DPH5: variants seen among roughly 807,000 people sequenced by gnomAD.
DPH5 encodes diphthamide biosynthesis 5.
Under a neutral mutation model 31.6 loss-of-function variants are expected in DPH5, and 31 were observed. That is an observed-to-expected ratio of 0.98 (90% CI 0.74 to 1.32). The LOEUF is 1.32. Ranked by LOEUF, DPH5 falls within the 40% of genes most tolerant of loss-of-function variation. DPH5 has a pLI of 0.00. For synonymous variants in DPH5, 120 were observed against 115.0 expected (o/e 1.04, Z -0.28); for missense variants, 309 against 335.7 (o/e 0.92, Z 0.62).
chr1:101,008,504 A>G (rs1659397574), intron 4 of DPH5, among the ~76,000 whole-genome samples: 1 of 152,220 alleles, frequency 6.6e-6, no homozygotes, highest in Non-Finnish European at 1.5e-5. Flanking sequence ...TTGAAGTTCA[A>G]TTCTAAATCT....
chr1:101,013,950 A>G (rs1033250034), intron 3 of DPH5, 132 bp from the exon 4 acceptor site: 6 of 625,442 alleles, frequency 9.6e-6, no homozygotes, highest in Non-Finnish European at 1.6e-5. Flanking sequence ...ACACACCTGC[A>G]TAAGGCTTTC....
At chr1:100,998,422 T>A (rs149409934) in intron 5 of DPH5, among the ~76,000 whole-genome samples, 1 of 151,260 alleles carries the variant, frequency 6.6e-6, no homozygotes, top group Non-Finnish European at 1.5e-5. Context: ...GGCAGGAGAA[T>A]TGCTTGAACC....
chr1:101,007,326 CTT>C (rs1422968112), intron 4 of DPH5, among the ~76,000 whole-genome samples: 1 of 152,114 alleles, frequency 6.6e-6, no homozygotes, highest in African/African-American at 2.4e-5. Context: ...GAAAATGGTT[CTT>C]CTAAAGCAGG....
At position 101,011,963 on chromosome 1, in the gene DPH5, C is replaced by T. The variant is rs1322970346; in HGVS notation, c.369+1747G>A. ...TCACCCAGGCTGGAGTGCAATGGCG[C>T]GATCTCAGCTCACTGCAACCTCCGC... On this transcript the variant is annotated intron_variant, in intron 4 of 7. Coordinates refer to ENST00000370109, the MANE Select transcript of DPH5 (RefSeq NM_015958.3). Among the ~76,000 whole-genome samples, 28 of 143,946 alleles carry T rather than the reference C, an allele frequency of 1.9e-4. 1 individual carries two copies. The highest frequency in any genetic ancestry group is 1.7e-3 in the Admixed American group (24 of 13,924). 94.4% of individuals were successfully genotyped at this position (143,946 alleles called of 152,430 possible).
chr1:100,997,491 G>A (rs766315068), intron 5 of DPH5, among the ~76,000 whole-genome samples: 4 of 151,726 alleles, frequency 2.6e-5, no homozygotes, highest in East Asian at 1.9e-4. Flanking sequence ...TCAGCCTCCC[G>A]AGTAGCTGAG....
intron 3 of DPH5, among the ~76,000 whole-genome samples, chr1:101,014,330 C>A (rs1659912619): frequency 6.6e-6 from 1 of 152,128 alleles, no homozygotes; most frequent in Non-Finnish European, 1.5e-5. Flanking sequence ...TCAAGATAAC[C>A]ACAATAATGT....
intron 2 of DPH5, among the ~76,000 whole-genome samples, chr1:101,023,520 T>G (rs528921078): frequency 6.6e-6 from 1 of 152,364 alleles, no homozygotes; most frequent in Admixed American, 6.5e-5. Context: ...CTTCAGGTCT[T>G]GACTCTGTAA....
intron 3 of DPH5, among the ~76,000 whole-genome samples, chr1:101,020,603 G>C (rs1050963986): frequency 9.2e-5 from 14 of 151,456 alleles, no homozygotes; most frequent in African/African-American, 3.4e-4. Context: ...CCCATCCCAA[G>C]CTCTAGCAGC....
chr1:101,001,161 T>C (rs923988376), intron 5 of DPH5, among the ~76,000 whole-genome samples: 12 of 152,212 alleles, frequency 7.9e-5, no homozygotes, highest in Non-Finnish European at 1.3e-4. Context: ...TGCATGTCTA[T>C]TGGATTGCAG....
In DPH5 at chr1:100,990,346, T is replaced by C; in HGVS notation, c.*62A>G. On this transcript the variant is annotated 3_prime_UTR_variant, in exon 8 of 8. Coordinates refer to ENST00000370109, the MANE Select transcript of DPH5 (RefSeq NM_015958.3). ...AAGATGAGACTTGGGTGGGGATACA[T>C]CCAAACCATATCAATCCATATATGG... 1 of 1,502,212 alleles carries C rather than the reference T, an allele frequency of 6.7e-7. No individual in the cohort carries two copies. The allele number at this position is 1,502,212 out of a possible 1,614,324, so 93.1% of individuals were successfully genotyped here. A position where few individuals can be genotyped will look rare whatever the true frequency, so the allele number is the denominator to read the frequency against.
chr1:100,996,676 G>GTT (rs1183867469), intron 5 of DPH5, among the ~76,000 whole-genome samples: 1 of 151,932 alleles, frequency 6.6e-6, no homozygotes, highest in African/African-American at 2.4e-5. Context: ...TCTGGGCAAC[G>GTT]TAAGTCCTAA....
At chr1:101,019,347 T>A (rs552016916) in intron 3 of DPH5, among the ~76,000 whole-genome samples, 1 of 152,308 alleles carries the variant, frequency 6.6e-6, no homozygotes, top group East Asian at 1.9e-4. Flanking sequence ...GAACTTCATA[T>A]TGCTGGAGAT....
At chr1:101,020,316 T>C (rs1464405520) in intron 3 of DPH5, among the ~76,000 whole-genome samples, 1 of 152,162 alleles carries the variant, frequency 6.6e-6, no homozygotes, top group Non-Finnish European at 1.5e-5. Flanking sequence ...CATATTTCTG[T>C]CCTCATCTTA....
intron 5 of DPH5, among the ~76,000 whole-genome samples, chr1:101,000,975 T>C (rs952470518): frequency 6.6e-6 from 1 of 152,216 alleles, no homozygotes; most frequent in Non-Finnish European, 1.5e-5. Context: ...CTAGGTGACA[T>C]TGGGGAAATA....
At chr1:101,011,466 GT>G (rs1659637869) in intron 4 of DPH5, 1 of 152,994 alleles carries the variant, frequency 6.5e-6, no homozygotes, top group South Asian at 2.1e-4. Context: ...TTGTGAGAAA[GT>G]TTTTTGAAAA....
chr1:100,991,515 C>T (rs1253162581), intron 7 of DPH5, among the ~76,000 whole-genome samples: 5 of 152,142 alleles, frequency 3.3e-5, no homozygotes, highest in Admixed American at 1.3e-4. Flanking sequence ...TGACTGGGTG[C>T]GGTGACTCGC....
chr1:101,004,930 C>A (rs1193802746), intron 4 of DPH5, among the ~76,000 whole-genome samples: 1 of 152,210 alleles, frequency 6.6e-6, no homozygotes, highest in East Asian at 1.9e-4. Context: ...TGCCTGACTT[C>A]TCTCTAAACA....
chr1:101,008,039 C>G (rs1454509994), intron 4 of DPH5, among the ~76,000 whole-genome samples: 2 of 151,986 alleles, frequency 1.3e-5, no homozygotes, highest in African/African-American at 4.8e-5. Context: ...GTGAAAAATC[C>G]TAAAATTTAT....
intron 7 of DPH5, 91 bp downstream of exon 7, chr1:100,992,546 C>T: frequency 1.2e-6 from 1 of 855,122 alleles, no homozygotes; most frequent in Non-Finnish European, 1.8e-6. Flanking sequence ...CTGACTCTTG[C>T]TTCCATAGTG....
Sources: allele counts gnomAD v4.1 joint callset (sites outside exome capture counted in the v4.1 genomes callset), GRCh38; gene constraint gnomAD v4.1.1; transcripts MANE v1.5; gene names NCBI Gene and HGNC (gene_info 2026-07-23, HGNC 2026-07-21).